Variants in MRTFB observed in about 807,000 individuals in gnomAD.
MRTFB encodes the protein myocardin related transcription factor B, also known as myocardin-related transcription factor B.
In MRTFB, 29 loss-of-function variants were observed where a neutral mutation model predicts 104.2. The observed-to-expected ratio is 0.28, with a 90% CI of 0.21 to 0.38. The LOEUF is 0.38. Ranked by LOEUF, MRTFB falls within the 10% of genes least tolerant of loss-of-function variation. MRTFB has a pLI of 1.00. For missense variants in MRTFB, 1,270 were observed against 1,341.6 expected (o/e 0.95, Z 0.83); for synonymous variants, 535 against 519.5 (o/e 1.03, Z -0.41).
At chr16:14,094,792 C>T (rs559027314) in intron 2 of MRTFB, among the ~76,000 whole-genome samples, 11 of 152,144 alleles carry the variant, frequency 7.2e-5, no homozygotes, top group Non-Finnish European at 1.3e-4. Flanking sequence ...GCTGGCGCTC[C>T]GCTGCACTCC....
chr16:14,021,271 G>A, the MRTFB span, among the ~76,000 whole-genome samples: 19 of 152,324 alleles, frequency 1.2e-4, no homozygotes, highest in Non-Finnish European at 2.2e-4. Flanking sequence ...TCAGTTCTTC[G>A]TGGTTGTAGG....
intron 5 of MRTFB, among the ~76,000 whole-genome samples, chr16:14,212,978 AT>A (rs1374334722): frequency 6.6e-6 from 1 of 152,192 alleles, no homozygotes; most frequent in African/African-American, 2.4e-5. Flanking sequence ...TTTGGGGAAA[AT>A]TTCTATCATG....
At chr16:14,116,767 T>C (rs2036565352) in intron 2 of MRTFB, among the ~76,000 whole-genome samples, 1 of 152,114 alleles carries the variant, frequency 6.6e-6, no homozygotes, top group Non-Finnish European at 1.5e-5. Flanking sequence ...CTTCCCATTG[T>C]GACAACCAAA....
rs1480583748 is a variant in MRTFB at position 14,215,463 on chromosome 16, T to TA, written c.353-1661dup. On this transcript the variant is annotated intron_variant, in intron 6 of 16. Coordinates refer to ENST00000571589, the MANE Select transcript of MRTFB (RefSeq NM_001308142.2). ...AGCCTCAGTCATGGAGATAGAGGAATAAGACCAGGAACAGAAACATAACAA... is the reference window on the plus strand; with the variant it reads ...AGCCTCAGTCATGGAGATAGAGGAATAAAGACCAGGAACAGAAACATAACAA... Among the ~76,000 whole-genome samples, 9 of 152,350 alleles carry TA rather than the reference T, an allele frequency of 5.9e-5. No individual in the cohort carries two copies. The South Asian group carries it at 1.9e-3, about 32-fold the overall frequency.
rs756829223 is a variant in MRTFB, at chr16:14,234,141, A to G, written c.694-5A>G. 4 of 1,609,040 alleles carry G rather than the reference A, an allele frequency of 2.5e-6. No individual in the cohort carries two copies. In the African/African-American group the frequency reaches 4.0e-5, roughly 16 times the overall value. ...AGACTTGTTCCTTTTTGCCTTTTCC[A>G]CCAGTTTGCTTCAGTGTCCCCAACA... On this transcript the variant is annotated splice_region_variant and splice_polypyrimidine_tract_variant and intron_variant, in intron 8 of 16. Coordinates refer to ENST00000571589, the MANE Select transcript of MRTFB (RefSeq NM_001308142.2).
chr16:14,013,657 A>G, the MRTFB span, among the ~76,000 whole-genome samples: 1 of 152,238 alleles, frequency 6.6e-6, no homozygotes, highest in African/African-American at 2.4e-5. Flanking sequence ...AACCACATGT[A>G]TGACATATTT....
chr16:14,032,425 T>C, the MRTFB span, among the ~76,000 whole-genome samples: 1 of 152,242 alleles, frequency 6.6e-6, no homozygotes, highest in Non-Finnish European at 1.5e-5. Context: ...TCCCCATATC[T>C]TGCCCCATGC....
At chr16:14,136,497 G>A (rs1274503186) in intron 2 of MRTFB, among the ~76,000 whole-genome samples, 1 of 151,992 alleles carries the variant, frequency 6.6e-6, no homozygotes, top group Non-Finnish European at 1.5e-5. Context: ...AATTGTAGCA[G>A]AATCTCTGGA....
intron 2 of MRTFB, among the ~76,000 whole-genome samples, chr16:14,099,364 C>T (rs866946293): frequency 1.4e-5 from 2 of 145,656 alleles, no homozygotes; most frequent in South Asian, 2.1e-4. Context: ...TATAAAATTA[C>T]GTGGGTTTTT....
intron 2 of MRTFB, among the ~76,000 whole-genome samples, chr16:14,082,035 A>T (rs2034444315): frequency 6.6e-6 from 1 of 152,212 alleles, no homozygotes; most frequent in Non-Finnish European, 1.5e-5. Flanking sequence ...ACAGAAGCTT[A>T]TTAATTTGGC....
chr16:14,127,930 T>TATATATATATATATATA (rs1491428460), intron 2 of MRTFB, among the ~76,000 whole-genome samples: 5 of 31,670 alleles, frequency 1.6e-4, no homozygotes, highest in African/African-American at 5.4e-4. Context: ...TATATATATA[T>TATATATATATATATATA]TTTTTTTTTT....
intron 3 of MRTFB, among the ~76,000 whole-genome samples, chr16:14,203,095 T>C (rs536437686): frequency 6.6e-6 from 1 of 152,290 alleles, no homozygotes; most frequent in Non-Finnish European, 1.5e-5. Flanking sequence ...TATTCTTTAG[T>C]TTTCCATCTT....
intron 7 of MRTFB, among the ~76,000 whole-genome samples, chr16:14,218,484 T>G (rs2041531547): frequency 6.6e-6 from 1 of 152,138 alleles, no homozygotes; most frequent in African/African-American, 2.4e-5. Context: ...TCTTATTTGT[T>G]GAGAAAAAGG....
chr16:14,105,428 C>T (rs1162190198), intron 2 of MRTFB, among the ~76,000 whole-genome samples: 4 of 151,506 alleles, frequency 2.6e-5, no homozygotes, highest in Non-Finnish European at 2.9e-5. Context: ...GACAGGGTCT[C>T]GCTCTGTTGC....
intron 2 of MRTFB, among the ~76,000 whole-genome samples, chr16:14,104,560 C>T (rs1382922946): frequency 3.3e-5 from 5 of 152,180 alleles, no homozygotes; most frequent in Non-Finnish European, 7.4e-5. Context: ...TTGAAGGCTT[C>T]ATTATTCAAA....
intron 2 of MRTFB, among the ~76,000 whole-genome samples, chr16:14,115,240 A>G (rs528873122): frequency 6.6e-6 from 1 of 152,350 alleles, no homozygotes; most frequent in African/African-American, 2.4e-5. Flanking sequence ...CTGAGCAGCA[A>G]TGTCAGGAGG....
intron 2 of MRTFB, among the ~76,000 whole-genome samples, chr16:14,089,056 A>C (rs1239422002): frequency 6.6e-6 from 1 of 152,202 alleles, no homozygotes; most frequent in Non-Finnish European, 1.5e-5. Flanking sequence ...GTGTTTTTAC[A>C]ACAGGTTATC....
chr16:14,154,950 G>A (rs1004216798), intron 3 of MRTFB, among the ~76,000 whole-genome samples: 5 of 152,098 alleles, frequency 3.3e-5, no homozygotes, highest in Non-Finnish European at 5.9e-5. Flanking sequence ...AACCATATTC[G>A]ATTGATTAGA....
At chr16:14,053,628 G>A in the MRTFB span, among the ~76,000 whole-genome samples, 1 of 151,838 alleles carries the variant, frequency 6.6e-6, no homozygotes, top group Non-Finnish European at 1.5e-5. Context: ...CTACTCAGGA[G>A]GCTGAGGCAG....
Sources: gnomAD v4.1 joint callset for allele counts (sites outside exome capture counted in the v4.1 genomes callset) on GRCh38, gnomAD v4.1.1 for gene constraint, MANE v1.5 for transcripts, NCBI Gene and HGNC (gene_info 2026-07-23, HGNC 2026-07-21) for gene names.